The following RBFOX2 variants were observed in gnomAD, a reference collection of about 807,000 sequenced individuals.
RBFOX2 encodes the protein RNA binding protein fox-1 homolog 2.
Under a neutral mutation model 49.1 loss-of-function variants are expected in RBFOX2, and 10 were observed. The observed-to-expected ratio is 0.20, with a 90% CI of 0.13 to 0.35. The LOEUF (loss-of-function observed/expected upper bound fraction) is 0.35. Ranked by LOEUF, RBFOX2 falls within the 10% of genes least tolerant of loss-of-function variation. The pLI is 1.00. For synonymous variants in RBFOX2, 183 were observed against 187.4 expected (o/e 0.98, Z 0.19); for missense variants, 323 against 486.9 (o/e 0.66, Z 3.17).
At chr22:35,905,654 G>T (rs746628793) in intron 1 of RBFOX2, among the ~76,000 whole-genome samples, 1 of 152,158 alleles carries the variant, frequency 6.6e-6, no homozygotes, top group African/African-American at 2.4e-5. Context: ...TACAGAGCAG[G>T]TATAGATATG....
rs570503504 is a variant in RBFOX2, at chr22:35,766,318, T to C, written c.547-835A>G. Among the ~76,000 whole-genome samples the C allele has an allele frequency of 2.3e-4, 35 of 152,310 alleles. No individual in the cohort carries two copies. The South Asian group carries it at 2.5e-3, about 11-fold the overall frequency. The stretch of plus-strand genomic sequence containing the variant: ...TTGCAAGGAGGGTAAAGCTCCACCA[T>C]AGAACTTGACTTATACTGTGTTGTC... On this transcript the variant is annotated intron_variant, in intron 5 of 11. Transcript: ENST00000405409.
At chr22:35,904,895 G>A (rs1033462261) in intron 1 of RBFOX2, among the ~76,000 whole-genome samples, 8 of 152,186 alleles carry the variant, frequency 5.3e-5, no homozygotes, top group Non-Finnish European at 8.8e-5. Context: ...CATGTCAAGT[G>A]CTCAAGAGCC....
At chr22:35,819,797 T>C (rs886684427) in intron 1 of RBFOX2, among the ~76,000 whole-genome samples, 6 of 152,216 alleles carry the variant, frequency 3.9e-5, no homozygotes, top group Non-Finnish European at 5.9e-5. Flanking sequence ...ACAGATGGTA[T>C]GCTACAGAGA....
intron 1 of RBFOX2, among the ~76,000 whole-genome samples, chr22:35,849,981 C>G (rs1161295520): frequency 6.6e-6 from 1 of 152,104 alleles, no homozygotes; most frequent in Non-Finnish European, 1.5e-5. Flanking sequence ...GAAGGGAACA[C>G]AGGCTCCTCA....
intron 6 of RBFOX2, among the ~76,000 whole-genome samples, chr22:35,762,788 G>A (rs1390521692): frequency 2.6e-5 from 4 of 152,144 alleles, no homozygotes; most frequent in Admixed American, 1.3e-4. Context: ...TTACAGGCTT[G>A]AGCCACTGCG....
chr22:35,880,482 G>GAGAGCCAA, intron 1 of RBFOX2, among the ~76,000 whole-genome samples: 1 of 152,122 alleles, frequency 6.6e-6, no homozygotes, highest in East Asian at 1.9e-4. Context: ...TCTAGCTAGA[G>GAGAGCCAA]GTATACATTT....
chr22:35,786,242 C>T (rs1264540474), intron 2 of RBFOX2, among the ~76,000 whole-genome samples: 1 of 152,172 alleles, frequency 6.6e-6, no homozygotes, highest in Non-Finnish European at 1.5e-5. Context: ...TCTGAAGACA[C>T]AATTTAAGAT....
At chr22:35,971,342 T>C (rs1342665525) in intron 1 of RBFOX2, among the ~76,000 whole-genome samples, 3 of 152,130 alleles carry the variant, frequency 2.0e-5, no homozygotes, top group African/African-American at 7.2e-5. Flanking sequence ...TTTTGAACCA[T>C]TCAGACAAGT....
In RBFOX2 at chr22:35,759,667, A is replaced by T. The variant is rs1354309181; in HGVS notation, c.887+221T>A. On this transcript the variant is annotated intron_variant, in intron 9 of 11. Coordinates refer to ENST00000405409, the Ensembl canonical transcript of RBFOX2. This position sits in a 1 kb window ranked among gnomAD's most constrained non-coding sequence, Gnocchi z 4.6. ...TCTTAAGCCATTACCATGAGGGCTT[A>T]AGGTGGCCAAAATGAAGACTTATAA... Among the ~76,000 whole-genome samples, 1 of 152,220 alleles carries T rather than the reference A, an allele frequency of 6.6e-6. No homozygotes were observed. Among genetic ancestry groups the T allele is most frequent in the Admixed American group, 6.5e-5 (1 of 15,284 alleles).
chr22:35,826,511 T>C (rs923410669), intron 1 of RBFOX2, among the ~76,000 whole-genome samples: 26 of 152,040 alleles, frequency 1.7e-4, no homozygotes, highest in Admixed American at 1.4e-3. Flanking sequence ...AATACAAATA[T>C]GAGGGGAAAA....
intron 1 of RBFOX2, among the ~76,000 whole-genome samples, chr22:35,945,998 C>T (rs191083082): frequency 5.3e-5 from 8 of 152,226 alleles, no homozygotes; most frequent in East Asian, 1.9e-4. Flanking sequence ...ACCGCTCCCC[C>T]CTTTTTTTTA....
intron 1 of RBFOX2, among the ~76,000 whole-genome samples, chr22:35,873,704 T>A (rs2044656427): frequency 6.6e-6 from 1 of 152,084 alleles, no homozygotes; most frequent in Admixed American, 6.5e-5. Context: ...TAGATAAAAG[T>A]CTCACTTTGT....
chr22:35,764,742 A>T (rs1426074655), intron 6 of RBFOX2, among the ~76,000 whole-genome samples: 4 of 152,238 alleles, frequency 2.6e-5, no homozygotes, highest in African/African-American at 9.6e-5. Flanking sequence ...CTGGCTCTGC[A>T]GAACAGTCTG....
intron 2 of RBFOX2, among the ~76,000 whole-genome samples, chr22:35,803,376 A>C (rs1423034756): frequency 6.6e-6 from 1 of 152,226 alleles, no homozygotes; most frequent in Non-Finnish European, 1.5e-5. Flanking sequence ...GTAAATACAA[A>C]TATATTTTTA....
At chr22:35,876,701 AAC>A (rs142455818) in intron 1 of RBFOX2, among the ~76,000 whole-genome samples, 6,961 of 140,076 alleles carry the variant, frequency 0.05, 209 homozygotes, top group East Asian at 0.16. Context: ...CATTAAAAGA[AAC>A]ACACACACAC....
chr22:35,917,929 C>T (rs1158003298), intron 1 of RBFOX2, among the ~76,000 whole-genome samples: 2 of 152,172 alleles, frequency 1.3e-5, no homozygotes, highest in African/African-American at 4.8e-5. Context: ...AATGAAGGCT[C>T]AATATCACAG....
rs190533067 is a variant in RBFOX2 at position 35,779,623 on chromosome 22, T to C, written c.400-1545A>G. 3.6e-3 allele frequency among the ~76,000 whole-genome samples: 550 copies of C among 152,336 alleles called. 1 individual carries two copies. Among genetic ancestry groups the C allele is most frequent in the Non-Finnish European group, 6.1e-3 (417 of 68,028 alleles). ...TTTTATATTTTCTAATGCATTCTTA[T>C]AATATCCTTCTGGAGTAAGGATCAC... On this transcript the variant is annotated intron_variant, in intron 3 of 11. Transcript: ENST00000405409.
In RBFOX2 at chr22:35,782,470, T is replaced by C. The variant is rs1045806982; in HGVS notation, c.253-724A>G. On this transcript the variant is annotated intron_variant, in intron 2 of 11. Coordinates refer to ENST00000405409, the Ensembl canonical transcript of RBFOX2. ...CCGAGTAGCTGGGACGATAGGTGCC[T>C]GCCACCACGCCCGTCTAATTTTTTG... Among the ~76,000 whole-genome samples the C allele has an allele frequency of 2.7e-4, 41 of 152,136 alleles. 1 individual carries two copies. Among genetic ancestry groups the C allele is most frequent in the Admixed American group, 5.9e-4 (9 of 15,278 alleles).
At chr22:35,830,765 T>C (rs1172851492) in intron 1 of RBFOX2, among the ~76,000 whole-genome samples, 4 of 152,122 alleles carry the variant, frequency 2.6e-5, no homozygotes, top group African/African-American at 7.2e-5. Context: ...AATGTTGTTA[T>C]ACAGTATATA....
Sources: gnomAD v4.1 joint callset for allele counts (sites outside exome capture counted in the v4.1 genomes callset) on GRCh38, gnomAD v4.1.1 for gene constraint, Gnocchi (gnomAD v3.1) non-coding constraint, MANE v1.5 for transcripts, NCBI Gene and HGNC (gene_info 2026-07-23, HGNC 2026-07-21) for gene names.